Variants in GALNT13 observed in about 807,000 individuals in gnomAD.
GALNT13 encodes the protein polypeptide N-acetylgalactosaminyltransferase 13.
A neutral mutation model predicts 64.2 loss-of-function variants in GALNT13; 28 were observed. The observed-to-expected ratio is 0.44, with a 90% CI of 0.32 to 0.60. GALNT13 has a LOEUF of 0.60. GALNT13 is among the 20% of genes least tolerant of loss of function. The pLI is 0.05. For missense variants in GALNT13, 577 were observed against 669.8 expected (o/e 0.86, Z 1.53); for synonymous variants, 214 against 224.6 (o/e 0.95, Z 0.42).
chr2:153,118,147 C>CACACATACA, the GALNT13 span, among the ~76,000 whole-genome samples: 16 of 140,264 alleles, frequency 1.1e-4, no homozygotes, highest in African/African-American at 4.3e-4. Context: ...ACACACACAC[C>CACACATACA]CCACATAAAC....
the GALNT13 span, among the ~76,000 whole-genome samples, chr2:153,611,827 G>A: frequency 6.6e-6 from 1 of 151,716 alleles, no homozygotes; most frequent in Non-Finnish European, 1.5e-5. Context: ...GCACGTATTA[G>A]GTATTTGTCC....
Position 154,364,774 on chromosome 2 carries a change from G to A in GALNT13, c.1157-31217G>A, listed in dbSNP as rs140890824. 5.2e-3 allele frequency among the ~76,000 whole-genome samples: 794 copies of A among 152,206 alleles called. 6 individuals are homozygous for A. Among genetic ancestry groups the A allele is most frequent in the African/African-American group, 0.017 (724 of 41,554 alleles). Reference sequence around the variant, plus strand: ...GCAACTCCACCTCCCGAGTTCAAGCGATTCCCTTGCCTCAGCCTCCCAAGT... The same window carrying A: ...GCAACTCCACCTCCCGAGTTCAAGCAATTCCCTTGCCTCAGCCTCCCAAGT... On this transcript the variant is annotated intron_variant, in intron 9 of 12. Coordinates refer to ENST00000392825, the MANE Select transcript of GALNT13 (RefSeq NM_052917.4).
chr2:154,009,158 C>A (rs1696454827), intron 3 of GALNT13, among the ~76,000 whole-genome samples: 1 of 140,548 alleles, frequency 7.1e-6, no homozygotes. Flanking sequence ...AAAGTCCTTT[C>A]TCCATTGCTT....
intron 12 of GALNT13, among the ~76,000 whole-genome samples, chr2:154,445,550 T>TA (rs1701523325): frequency 6.6e-6 from 1 of 151,950 alleles, no homozygotes; most frequent in Non-Finnish European, 1.5e-5. Flanking sequence ...CTAGTCTTCT[T>TA]AAAAAATCAA....
the GALNT13 span, among the ~76,000 whole-genome samples, chr2:153,748,793 C>T: frequency 6.6e-6 from 1 of 151,720 alleles, no homozygotes; most frequent in Non-Finnish European, 1.5e-5. Flanking sequence ...CCCATTTGTC[C>T]ATTTATGCTT....
the GALNT13 span, among the ~76,000 whole-genome samples, chr2:153,096,887 A>T: frequency 6.6e-6 from 1 of 152,108 alleles, no homozygotes; most frequent in Non-Finnish European, 1.5e-5. Flanking sequence ...ACAAGTAAGG[A>T]CTTACTCCTG....
At chr2:153,526,652 T>C in the GALNT13 span, among the ~76,000 whole-genome samples, 4 of 152,078 alleles carry the variant, frequency 2.6e-5, no homozygotes, top group African/African-American at 9.7e-5. Context: ...CAGACAAATA[T>C]GTACAAGTAT....
chr2:153,553,132 G>C, the GALNT13 span, among the ~76,000 whole-genome samples: 1 of 152,338 alleles, frequency 6.6e-6, no homozygotes, highest in African/African-American at 2.4e-5. Context: ...AGTGGTCACT[G>C]AGTAGGATGT....
the GALNT13 span, among the ~76,000 whole-genome samples, chr2:153,082,571 GTTTATA>G: frequency 1.0e-4 from 5 of 50,170 alleles, no homozygotes; most frequent in African/African-American, 3.6e-4. Flanking sequence ...ATTTAGGCTG[GTTTATA>G]TATATATATA....
At chr2:154,005,511 G>A (rs924761496) in intron 3 of GALNT13, among the ~76,000 whole-genome samples, 3 of 152,080 alleles carry the variant, frequency 2.0e-5, no homozygotes, top group Admixed American at 6.6e-5. Context: ...GGAATTTATG[G>A]CCCCAAACCA....
At chr2:153,681,211 T>C in the GALNT13 span, among the ~76,000 whole-genome samples, 1 of 151,958 alleles carries the variant, frequency 6.6e-6, no homozygotes, top group East Asian at 1.9e-4. Flanking sequence ...CTGCCATAAA[T>C]TGATGACATT....
the GALNT13 span, among the ~76,000 whole-genome samples, chr2:153,317,383 T>G: frequency 6.6e-6 from 1 of 152,152 alleles, no homozygotes; most frequent in African/African-American, 2.4e-5. Context: ...ATTTAAAAGT[T>G]CTTTGACTTC....
chr2:153,365,908 T>A, the GALNT13 span, among the ~76,000 whole-genome samples: 51 of 152,280 alleles, frequency 3.3e-4, no homozygotes, highest in African/African-American at 1.1e-3. Flanking sequence ...CCTAAAGGAT[T>A]ATAAATCATT....
intron 9 of GALNT13, among the ~76,000 whole-genome samples, chr2:154,327,825 C>A (rs1367288046): frequency 6.6e-6 from 1 of 152,032 alleles, no homozygotes; most frequent in Non-Finnish European, 1.5e-5. Flanking sequence ...AATTAGAATA[C>A]CAGAGAGCTG....
chr2:153,754,520 C>A, the GALNT13 span, among the ~76,000 whole-genome samples: 4 of 152,104 alleles, frequency 2.6e-5, no homozygotes, highest in Non-Finnish European at 4.4e-5. Flanking sequence ...CAACTCTTGA[C>A]CAGTGCCTAT....
At chr2:153,510,447 CT>C in the GALNT13 span, among the ~76,000 whole-genome samples, 4 of 152,110 alleles carry the variant, frequency 2.6e-5, no homozygotes, top group African/African-American at 9.7e-5. Context: ...CCTTAAGAAG[CT>C]TGTATTCTAT....
intron 3 of GALNT13, among the ~76,000 whole-genome samples, chr2:154,021,958 A>G (rs1335630394): frequency 6.6e-6 from 1 of 152,144 alleles, no homozygotes; most frequent in Admixed American, 6.5e-5. Flanking sequence ...TATTGAGATA[A>G]TCATGTGGTT....
At chr2:153,911,079 ACTTC>A (rs1688906639) in intron 2 of GALNT13, among the ~76,000 whole-genome samples, 1 of 152,162 alleles carries the variant, frequency 6.6e-6, no homozygotes, top group African/African-American at 2.4e-5. Flanking sequence ...GTCACTAAGA[ACTTC>A]CTTTGTGAAT....
intron 4 of GALNT13, among the ~76,000 whole-genome samples, chr2:154,198,403 AGTAT>A (rs1432805929): frequency 5.3e-5 from 8 of 151,998 alleles, no homozygotes; most frequent in Non-Finnish European, 8.8e-5. Context: ...ATTGTGGTAA[AGTAT>A]ATACAACATA....
Sources: gnomAD v4.1 joint callset for allele counts (sites outside exome capture counted in the v4.1 genomes callset) on GRCh38, gnomAD v4.1.1 for gene constraint, MANE v1.5 for transcripts, NCBI Gene and HGNC (gene_info 2026-07-23, HGNC 2026-07-21) for gene names.